RBFOX3: variants seen among roughly 807,000 people sequenced by gnomAD.
RBFOX3 encodes the protein RNA binding protein fox-1 homolog 3.
In RBFOX3, 17 loss-of-function variants were observed where a neutral mutation model predicts 48.7. The observed-to-expected ratio is 0.35, with a 90% confidence interval of 0.24 to 0.52. The LOEUF (loss-of-function observed/expected upper bound fraction) is 0.52, where lower values mean the gene tolerates loss of function less well. Among genes scored for constraint, RBFOX3 ranks in the 20% least tolerant of loss-of-function variants. The probability of loss-of-function intolerance (pLI) is 0.94; values close to 1 mark genes in which losing one functional copy is unlikely to be tolerated. For synonymous variants in RBFOX3, 212 were observed against 209.5 expected (o/e 1.01, Z -0.10); for missense variants, 382 against 497.5 (o/e 0.77, Z 2.21).
At chr17:79,583,723 C>G (rs935984956) in intron 1 of RBFOX3, among the ~76,000 whole-genome samples, 4 of 152,150 alleles carry the variant, frequency 2.6e-5, no homozygotes, top group Admixed American at 1.3e-4. Flanking sequence ...TCATGAAGCA[C>G]TATCATCATG....
intron 4 of RBFOX3, among the ~76,000 whole-genome samples, chr17:79,197,920 C>G (rs60064543): frequency 6.6e-6 from 1 of 152,124 alleles, no homozygotes; most frequent in African/African-American, 2.4e-5. Flanking sequence ...TCACCTCCCC[C>G]GACTCCGGGC....
Position 79,445,528 on chromosome 17 carries a change from C to T in RBFOX3, c.-175+36926G>A, listed in dbSNP as rs190847178. 6.6e-3 allele frequency among the ~76,000 whole-genome samples: 1,004 copies of T among 152,318 alleles called. 48 individuals carry two copies. Among genetic ancestry groups the T allele is most frequent in the Admixed American group, 0.061 (931 of 15,304 alleles). On this transcript the variant is annotated intron_variant, in intron 2 of 14. Transcript: ENST00000693108. Reference sequence around the variant, plus strand: ...CCCACAAGCAGAGCAATTTCCAGATCTTCAAGACAAGCCCACTTCCAGGAT... The same window carrying T: ...CCCACAAGCAGAGCAATTTCCAGATTTTCAAGACAAGCCCACTTCCAGGAT...
intron 2 of RBFOX3, among the ~76,000 whole-genome samples, chr17:79,371,296 C>T (rs879269857): frequency 1.7e-4 from 26 of 152,236 alleles, no homozygotes; most frequent in Admixed American, 1.1e-3. Flanking sequence ...TGGGCACATC[C>T]GAAGGGCTGT....
chr17:79,173,151 A>G (rs1386238978), intron 4 of RBFOX3, among the ~76,000 whole-genome samples: 1 of 152,160 alleles, frequency 6.6e-6, no homozygotes, highest in East Asian at 1.9e-4. Flanking sequence ...CAGAAGTTGC[A>G]GTGAGCCGAG....
chr17:79,342,355 GT>G (rs990738202), intron 2 of RBFOX3, among the ~76,000 whole-genome samples: 7 of 152,176 alleles, frequency 4.6e-5, no homozygotes, highest in Non-Finnish European at 8.8e-5. Context: ...GGCATTTGTT[GT>G]TTTTTTCTCC....
chr17:79,187,368 G>A (rs897902359), intron 4 of RBFOX3, among the ~76,000 whole-genome samples: 2 of 152,226 alleles, frequency 1.3e-5, no homozygotes, highest in African/African-American at 4.8e-5. Flanking sequence ...AGGACAGTGT[G>A]CAGCTTGGCA....
At chr17:79,583,740 T>A (rs906363048) in intron 1 of RBFOX3, among the ~76,000 whole-genome samples, 2 of 152,212 alleles carry the variant, frequency 1.3e-5, no homozygotes, top group Admixed American at 6.5e-5. Context: ...CATGTTTGCA[T>A]TTTTAAAAGA....
intron 1 of RBFOX3, among the ~76,000 whole-genome samples, chr17:79,592,310 A>C (rs1213227557): frequency 2.0e-5 from 3 of 150,088 alleles, no homozygotes; most frequent in Admixed American, 2.0e-4. Context: ...GCACATATGC[A>C]TGCCTGTGTA....
intron 2 of RBFOX3, among the ~76,000 whole-genome samples, chr17:79,406,568 C>A (rs1303490398): frequency 1.3e-5 from 2 of 152,160 alleles, no homozygotes; most frequent in African/African-American, 2.4e-5. Context: ...GAGAGGGAGG[C>A]GTGTCCCATC....
intron 3 of RBFOX3, among the ~76,000 whole-genome samples, chr17:79,241,275 A>G (rs1257163925): frequency 6.6e-6 from 1 of 151,554 alleles, no homozygotes; most frequent in East Asian, 1.9e-4. Flanking sequence ...CGGCCTTCCA[A>G]TGTGCTGGGG....
At chr17:79,284,397 G>C (rs1366121714) in intron 3 of RBFOX3, among the ~76,000 whole-genome samples, 1 of 152,004 alleles carries the variant, frequency 6.6e-6, no homozygotes, top group Non-Finnish European at 1.5e-5. Context: ...CAAATGTTTT[G>C]GTTTGTTCAG....
intron 1 of RBFOX3, among the ~76,000 whole-genome samples, chr17:79,507,334 T>G (rs1471670852): frequency 6.6e-6 from 1 of 152,176 alleles, no homozygotes; most frequent in Non-Finnish European, 1.5e-5. Context: ...CTGTCTCCTC[T>G]CAGCAGTATA....
Position 79,252,718 on chromosome 17 carries a change from A to T in RBFOX3, c.-73-16913T>A, listed in dbSNP as rs1175229743. On this transcript the variant is annotated intron_variant, in intron 3 of 14. Transcript: ENST00000693108. This position sits in a 1 kb window ranked among gnomAD's most constrained non-coding sequence, Gnocchi z 4.0. ...CCTCTTGGAAAGTTCTCAGCGTCAC[A>T]TCGCTCTGGCTGTGTTGACCACTCC... 6.6e-6 allele frequency among the ~76,000 whole-genome samples: 1 copy of T among 152,182 alleles called. No individual in the cohort carries two copies. The highest frequency in any genetic ancestry group is 2.4e-5 in the African/African-American group (1 of 41,462).
the RBFOX3 span, among the ~76,000 whole-genome samples, chr17:79,616,666 TCCC>T: frequency 6.6e-6 from 1 of 151,672 alleles, no homozygotes; most frequent in Non-Finnish European, 1.5e-5. Flanking sequence ...GTGTCGGATC[TCCC>T]CTTCAGGCCA....
At chr17:79,656,691 A>AGGAG in the RBFOX3 span, among the ~76,000 whole-genome samples, 1 of 26,194 alleles carries the variant, frequency 3.8e-5, no homozygotes, top group Non-Finnish European at 1.4e-4. Context: ...GAGGGAAGGA[A>AGGAG]GGAAGGAAGG....
At chr17:79,531,782 A>G (rs1372250074) in intron 1 of RBFOX3, among the ~76,000 whole-genome samples, 2 of 152,216 alleles carry the variant, frequency 1.3e-5, no homozygotes, top group African/African-American at 4.8e-5. Flanking sequence ...ACCTCTTATC[A>G]AACCCAGATG....
intron 1 of RBFOX3, among the ~76,000 whole-genome samples, chr17:79,496,637 G>A (rs1489666337): frequency 2.0e-5 from 3 of 152,124 alleles, no homozygotes; most frequent in African/African-American, 7.2e-5. Flanking sequence ...AGGCAAACAG[G>A]GACAGACAGC....
Position 79,402,560 on chromosome 17 carries a change from A to G in RBFOX3, c.-175+79894T>C, listed in dbSNP as rs540354800. 6.3e-4 allele frequency among the ~76,000 whole-genome samples: 96 copies of G among 152,322 alleles called. 1 individual carries two copies. The highest frequency in any genetic ancestry group is 1.3e-3 in the Non-Finnish European group (88 of 68,022). On this transcript the variant is annotated intron_variant, in intron 2 of 14. Transcript: ENST00000693108. Reference sequence around the variant, plus strand: ...GCAGGGGGCCCCGCGGGGCGGACACAGACAAAGCAGGAGCCACATGGGGTG... The same window carrying G: ...GCAGGGGGCCCCGCGGGGCGGACACGGACAAAGCAGGAGCCACATGGGGTG...
intron 2 of RBFOX3, among the ~76,000 whole-genome samples, chr17:79,350,959 T>A (rs779716460): frequency 6.6e-6 from 1 of 152,196 alleles, no homozygotes; most frequent in African/African-American, 2.4e-5. Context: ...TCTAATCCAC[T>A]TTCTTTCTCT....
Sources: gnomAD v4.1 joint callset for allele counts (sites outside exome capture counted in the v4.1 genomes callset) on GRCh38, gnomAD v4.1.1 for gene constraint, Gnocchi (gnomAD v3.1) non-coding constraint, MANE v1.5 for transcripts, NCBI Gene and HGNC (gene_info 2026-07-23, HGNC 2026-07-21) for gene names.